Variants in ZNF420 observed in about 807,000 individuals in gnomAD.
ZNF420 encodes ATM and p53-associated KZNF protein.
A neutral mutation model predicts 44.7 loss-of-function variants in ZNF420; 31 were observed. The ratio of observed to expected loss-of-function variants is 0.69; its 90% CI spans 0.52 to 0.94. ZNF420 has a LOEUF of 0.94. Among genes scored for constraint, ZNF420 ranks in the 40% least tolerant of loss-of-function variants. The pLI is 0.00. For synonymous variants in ZNF420, 245 were observed against 267.4 expected, an observed-to-expected ratio of 0.92 and a Z score of 0.82; for missense variants, 681 against 827.9, an observed-to-expected ratio of 0.82 and a Z score of 2.18.
intron 1 of ZNF420, among the ~76,000 whole-genome samples, chr19:37,037,855 G>A (rs1186159452): frequency 2.0e-5 from 3 of 152,162 alleles, no homozygotes; most frequent in Non-Finnish European, 2.9e-5. Flanking sequence ...GCTCTATTGC[G>A]ATATTCGCCT....
intron 1 of ZNF420, among the ~76,000 whole-genome samples, chr19:37,063,341 C>T (rs1436161711): frequency 7.9e-5 from 12 of 152,176 alleles, no homozygotes; most frequent in Admixed American, 7.9e-4. Context: ...TTTTCTGTGG[C>T]TAGTGAGCTT....
At chr19:37,073,441 C>T (rs1006928836), upstream of ZNF420, among the ~76,000 whole-genome samples, 15 of 151,972 alleles carry the variant, frequency 9.9e-5, no homozygotes, top group Non-Finnish European at 1.6e-4. Flanking sequence ...AATATAAGTA[C>T]GAAATATCTG....
intron 4 of ZNF420, among the ~76,000 whole-genome samples, chr19:37,114,358 T>C (rs917786223): frequency 9.9e-5 from 15 of 152,172 alleles, no homozygotes; most frequent in African/African-American, 3.4e-4. Flanking sequence ...TACTGGCGGT[T>C]GGGTCTTATT....
chr19:37,084,034 T>G (rs1331679306), intron 2 of ZNF420, among the ~76,000 whole-genome samples: 1 of 152,182 alleles, frequency 6.6e-6, no homozygotes, highest in South Asian at 2.1e-4. Context: ...ATTAATGATA[T>G]TAAGATTCTC....
At chr19:37,055,172 G>A (rs1967716540) in intron 1 of ZNF420, among the ~76,000 whole-genome samples, 2 of 152,224 alleles carry the variant, frequency 1.3e-5, no homozygotes, top group Admixed American at 6.5e-5. Context: ...CTTGAGTCCA[G>A]GAGTTGGAGA....
chr19:37,058,187 T>C (rs1002534775), intron 1 of ZNF420, among the ~76,000 whole-genome samples: 1 of 152,128 alleles, frequency 6.6e-6, no homozygotes, highest in African/African-American at 2.4e-5. Flanking sequence ...GTCATAATTG[T>C]TTCTCTCTCC....
chr19:37,055,329 T>A (rs576505670), intron 1 of ZNF420, among the ~76,000 whole-genome samples: 1 of 152,204 alleles, frequency 6.6e-6, no homozygotes, highest in South Asian at 2.1e-4. Context: ...GAGGCTGCAG[T>A]GAGTTATGAT....
intron 4 of ZNF420, chr19:37,092,115 C>G (rs2385374): frequency 0.52 from 79,547 of 151,778 alleles, 21,595 homozygotes; most frequent in African/African-American, 0.63. Flanking sequence ...TTCCAACCTA[C>G]ATGATAACTT....
intron 4 of ZNF420, chr19:37,109,970 G>T (rs1263261233): frequency 6.6e-6 from 1 of 152,106 alleles, no homozygotes; most frequent in Non-Finnish European, 1.5e-5. Context: ...AGTTTTGTGT[G>T]TTCTATTAGT....
chr19:37,119,259 A>G (rs941526988), intron 4 of ZNF420, among the ~76,000 whole-genome samples: 1 of 152,178 alleles, frequency 6.6e-6, no homozygotes, highest in South Asian at 2.1e-4. Flanking sequence ...AACAGAAATT[A>G]TAACAAACTG....
intron 1 of ZNF420, among the ~76,000 whole-genome samples, chr19:37,039,653 G>T (rs947394365): frequency 6.6e-6 from 1 of 151,984 alleles, no homozygotes; most frequent in Non-Finnish European, 1.5e-5. Context: ...TCACAAATCA[G>T]CACTGGCTTT....
At chr19:37,121,818 G>C (rs548279394) in intron 4 of ZNF420, among the ~76,000 whole-genome samples, 2 of 152,286 alleles carry the variant, frequency 1.3e-5, no homozygotes, top group East Asian at 3.9e-4. Context: ...GATATGAACA[G>C]ACACTTCTCA....
intron 4 of ZNF420, among the ~76,000 whole-genome samples, chr19:37,094,878 A>G (rs1969347918): frequency 1.3e-5 from 2 of 152,236 alleles, no homozygotes; most frequent in Non-Finnish European, 2.9e-5. Flanking sequence ...CACGCCTGTA[A>G]TCCCAGCACT....
chr19:37,128,865 C>T lies in ZNF420; in HGVS notation c.1874C>T (p.Thr625Ile), dbSNP rs755827599. 3 of 1,613,700 alleles carry T rather than the reference C, an allele frequency of 1.9e-6. No homozygotes were observed. The highest frequency in any genetic ancestry group is 1.7e-5 in the Admixed American group (1 of 59,962). The change falls in exon 5 of 5, where the codon ACT (threonine) becomes ATT (isoleucine). Residue 625 changes from threonine (T) to isoleucine (I), a missense_variant. Coordinates refer to ENST00000337995, the MANE Select transcript of ZNF420 (RefSeq NM_144689.5). ...YECRECRKAF[T>I]QSSHLSRHQR... ...TGCAGAGAATGTAGAAAGGCCTTTA[C>T]TCAGAGTTCACATCTTTCTCGGCAT...
intron 4 of ZNF420, among the ~76,000 whole-genome samples, chr19:37,104,071 A>G (rs537863852): frequency 0.013 from 1,997 of 149,658 alleles, 49 homozygotes; most frequent in African/African-American, 0.046. Context: ...ATGTTGGTGT[A>G]CTGCACCCAT....
chr19:37,127,805 C>T lies in ZNF420; in HGVS notation c.814C>T (p.Leu272Phe), dbSNP rs1196666493. The T allele has an allele frequency of 1.2e-6, 2 of 1,612,380 alleles. No individual in the cohort carries two copies. Among genetic ancestry groups the T allele is most frequent in the Non-Finnish European group, 1.7e-6 (2 of 1,179,482 alleles). The change falls in exon 5 of 5, where the codon CTT becomes TTT. Residue 272 changes from leucine (L) to phenylalanine (F), a missense_variant. This residue lies in a region of ZNF420 where 350 missense variants were observed against 382.5 expected (regional missense o/e 0.92). Transcript: ENST00000337995. ...TTCACAACTTACACTACACCAGAGA[C>T]TTCATACTGGTGAAAAGCTCTATGA... ...QNSQLTLHQR[L>F]HTGEKLYECK...
At chr19:37,018,037 A>G in intron 1 of ZNF420, among the ~76,000 whole-genome samples, 1 of 152,200 alleles carries the variant, frequency 6.6e-6, no homozygotes, top group Middle Eastern at 3.2e-3. Flanking sequence ...CACAAAAAAA[A>G]GAGAAAACCA....
chr19:37,056,598 A>G (rs920392517), intron 1 of ZNF420, among the ~76,000 whole-genome samples: 206 of 152,278 alleles, frequency 1.4e-3, no homozygotes, highest in African/African-American at 4.7e-3. Context: ...CAGAGGGCTC[A>G]TGGGTCAGTG....
intron 4 of ZNF420, among the ~76,000 whole-genome samples, chr19:37,099,499 T>C (rs1167910748): frequency 6.6e-6 from 1 of 152,202 alleles, no homozygotes; most frequent in Non-Finnish European, 1.5e-5. Flanking sequence ...ATTCAAATCT[T>C]TTGACTATTT....
Sources: gnomAD v4.1 joint callset for allele counts (sites outside exome capture counted in the v4.1 genomes callset) on GRCh38, gnomAD v4.1.1 for gene constraint, gnomAD v4.1.1 regional missense constraint, MANE v1.5 for transcripts, NCBI Gene and HGNC (gene_info 2026-07-23, HGNC 2026-07-21) for gene names.